SLC36A1: variants seen among roughly 807,000 people sequenced by gnomAD.
SLC36A1 encodes the protein solute carrier family 36 member 1.
A neutral mutation model predicts 47.5 loss-of-function variants in SLC36A1; 30 were observed. The ratio of observed to expected loss-of-function variants is 0.63; its 90% confidence interval spans 0.47 to 0.86. SLC36A1 has a LOEUF of 0.86. SLC36A1 is among the 40% of genes least tolerant of loss of function. The pLI, the probability that SLC36A1 is intolerant of heterozygous loss-of-function variation, is 0.00. For missense variants in SLC36A1, 517 were observed against 606.0 expected (o/e 0.85, Z 1.54); for synonymous variants, 255 against 249.7 (o/e 1.02, Z -0.20).
the SLC36A1 span, chr5:151,550,671 C>T: frequency 6.2e-7 from 1 of 1,614,074 alleles, no homozygotes; most frequent in African/African-American, 1.3e-5. Flanking sequence ...TGCTTGGGTC[C>T]AGCTGGAAGA....
At chr5:151,543,645 T>G in the SLC36A1 span, 9 of 1,614,218 alleles carry the variant, frequency 5.6e-6, no homozygotes, top group Non-Finnish European at 7.6e-6. Context: ...TTCCAACCAT[T>G]GCATTCTCTG....
the SLC36A1 span, among the ~76,000 whole-genome samples, chr5:151,519,482 G>A: frequency 2.6e-5 from 4 of 152,178 alleles, no homozygotes; most frequent in Admixed American, 6.5e-5. Context: ...AGGATCAGCT[G>A]GAGAATCTTT....
the SLC36A1 span, chr5:151,544,978 C>A: frequency 2.5e-6 from 4 of 1,614,172 alleles, no homozygotes; most frequent in South Asian, 1.1e-5. Flanking sequence ...CTGAGCCACC[C>A]GCTGAGGTGT....
the SLC36A1 span, among the ~76,000 whole-genome samples, chr5:151,379,519 G>A: frequency 1.3e-5 from 2 of 152,098 alleles, no homozygotes; most frequent in African/African-American, 4.8e-5. Context: ...TTTTAGTAGA[G>A]ATGGGGTTTT....
chr5:151,394,260 A>G, the SLC36A1 span, among the ~76,000 whole-genome samples: 1 of 152,208 alleles, frequency 6.6e-6, no homozygotes, highest in East Asian at 1.9e-4. Flanking sequence ...CCATCAGGTC[A>G]TTTAAGGACT....
chr5:151,458,813 G>A lies in SLC36A1; in HGVS notation c.21G>A (p.Arg7=). MSTQRL[R]NEDYHDYSST... Reference sequence around the variant, plus strand: ...CTGCCATGTCCACGCAGAGACTTCGGAATGAAGACTACCACGACTACAGCT... The same window carrying A: ...CTGCCATGTCCACGCAGAGACTTCGAAATGAAGACTACCACGACTACAGCT... Residue 7 remains arginine, a synonymous_variant, in exon 2 of 11, where the codon CGG becomes CGA. Coordinates refer to ENST00000243389, the MANE Select transcript of SLC36A1 (RefSeq NM_078483.4). The A allele has an allele frequency of 1.2e-6, 2 of 1,614,008 alleles. No homozygotes were observed. The highest frequency in any genetic ancestry group is 1.7e-6 in the Non-Finnish European group (2 of 1,179,960).
chr5:151,468,271 A>ATATATATATATATATATATATATTT (rs1261818033), intron 7 of SLC36A1, among the ~76,000 whole-genome samples: 6 of 90,078 alleles, frequency 6.7e-5, no homozygotes, highest in South Asian at 7.9e-4. Context: ...AAAAAAATAT[A>ATATATATATATATATATATATATTT]TATATATATA....
chr5:151,463,402 A>G (rs2127484049), intron 2 of SLC36A1, 151 bp from the exon 3 acceptor site: 1 of 655,050 alleles, frequency 1.5e-6, no homozygotes, highest in African/African-American at 1.8e-5. Context: ...TTTACTAGGT[A>G]TGTGACCTTG....
chr5:151,462,447 C>T (rs1030529584), intron 2 of SLC36A1, among the ~76,000 whole-genome samples: 13 of 152,064 alleles, frequency 8.5e-5, no homozygotes, highest in African/African-American at 2.9e-4. Context: ...TCACTGCAAC[C>T]TCTGCCTCCC....
the SLC36A1 span, among the ~76,000 whole-genome samples, chr5:151,366,187 A>T: frequency 6.6e-6 from 1 of 152,158 alleles, no homozygotes; most frequent in Non-Finnish European, 1.5e-5. Flanking sequence ...GAAGTGGCCC[A>T]CTCAGATCTG....
the SLC36A1 span, chr5:151,554,771 A>G: frequency 9.5e-6 from 9 of 943,382 alleles, no homozygotes; most frequent in South Asian, 1.6e-5. Context: ...GTTCTTTGGT[A>G]TGAGCTTGTA....
chr5:151,499,672 C>T, the SLC36A1 span, among the ~76,000 whole-genome samples: 2 of 152,180 alleles, frequency 1.3e-5, no homozygotes, highest in African/African-American at 4.8e-5. Flanking sequence ...GAGCACTGCC[C>T]TGATGCCTGG....
the SLC36A1 span, among the ~76,000 whole-genome samples, chr5:151,403,554 C>A: frequency 2.0e-5 from 3 of 152,168 alleles, no homozygotes; most frequent in Admixed American, 2.0e-4. Flanking sequence ...GTAAAAGTTC[C>A]CTGAGGCCTC....
At chr5:151,374,545 G>A in the SLC36A1 span, among the ~76,000 whole-genome samples, 1 of 152,160 alleles carries the variant, frequency 6.6e-6, no homozygotes, top group Admixed American at 6.5e-5. Context: ...TGCTAGTGCA[G>A]GTATATTTTT....
chr5:151,438,920 T>A (rs1759939880), intron 1 of SLC36A1, among the ~76,000 whole-genome samples: 1 of 152,260 alleles, frequency 6.6e-6, no homozygotes, highest in East Asian at 1.9e-4. Context: ...ATACTATTGA[T>A]ATAATGTTTT....
chr5:151,424,223 G>A, the SLC36A1 span, among the ~76,000 whole-genome samples: 1 of 152,178 alleles, frequency 6.6e-6, no homozygotes, highest in East Asian at 1.9e-4. Context: ...ACAGGACATG[G>A]GTTTGAACAT....
Position 151,478,563 on chromosome 5 carries a change from A to G in SLC36A1, c.990-757A>G, listed in dbSNP as rs563015911. 1.1e-4 allele frequency among the ~76,000 whole-genome samples: 16 copies of G among 152,302 alleles called. No individual in the cohort carries two copies. The South Asian group carries it at 2.9e-3, about 28-fold the overall frequency. Reference sequence around the variant, plus strand: ...ACTGACTTGGATGGGACAGATATAAATAGGCTTGTGACATTTTAATTGCAA... The same window carrying G: ...ACTGACTTGGATGGGACAGATATAAGTAGGCTTGTGACATTTTAATTGCAA... On this transcript the variant is annotated intron_variant, in intron 9 of 10. Transcript: ENST00000243389.
At chr5:151,444,927 G>A (rs1025708524), upstream of SLC36A1, among the ~76,000 whole-genome samples, 1 of 152,102 alleles carries the variant, frequency 6.6e-6, no homozygotes, top group Admixed American at 6.5e-5. Flanking sequence ...TGATTTGGAT[G>A]CCTTTCTTTC....
At chr5:151,514,722 T>C in the SLC36A1 span, among the ~76,000 whole-genome samples, 1 of 152,286 alleles carries the variant, frequency 6.6e-6, no homozygotes, top group Admixed American at 6.5e-5. Context: ...GCTGATCATC[T>C]CACATCCTAC....
Sources: gnomAD v4.1 joint callset for allele counts (sites outside exome capture counted in the v4.1 genomes callset) on GRCh38, gnomAD v4.1.1 for gene constraint, MANE v1.5 for transcripts, NCBI Gene and HGNC (gene_info 2026-07-23, HGNC 2026-07-21) for gene names.